FUT8: variants seen among roughly 807,000 people sequenced by gnomAD.
FUT8 encodes the protein alpha-(1,6)-fucosyltransferase.
FUT8 carries 29 observed loss-of-function variants against 71.3 expected under a neutral mutation model. The observed-to-expected ratio is 0.41, with a 90% confidence interval of 0.30 to 0.55. FUT8 has a LOEUF of 0.55. Ranked by LOEUF, FUT8 falls within the 20% of genes least tolerant of loss-of-function variation. The pLI is 0.34. For synonymous variants in FUT8, 254 were observed against 239.3 expected (o/e 1.06, Z -0.57); for missense variants, 544 against 702.1 (o/e 0.77, Z 2.55).
intron 6 of FUT8, among the ~76,000 whole-genome samples, chr14:65,644,705 C>T (rs1891040568): frequency 6.6e-6 from 1 of 152,102 alleles, no homozygotes; most frequent in Admixed American, 6.6e-5. Flanking sequence ...AACCACTATT[C>T]CTAGGGGAAA....
intron 3 of FUT8, among the ~76,000 whole-genome samples, chr14:65,589,316 G>A (rs951617825): frequency 9.2e-5 from 14 of 152,108 alleles, no homozygotes; most frequent in African/African-American, 3.4e-4. Flanking sequence ...AGGATCATGG[G>A]CCTATGTAAA....
intron 2 of FUT8, chr14:65,528,893 C>G (rs750276588): frequency 6.6e-6 from 1 of 152,504 alleles, no homozygotes; most frequent in Non-Finnish European, 1.5e-5. Context: ...TTTATCATCT[C>G]TAGGACCAAG....
the FUT8 span, among the ~76,000 whole-genome samples, chr14:65,387,692 C>A: frequency 6.6e-6 from 1 of 152,204 alleles, no homozygotes; most frequent in Non-Finnish European, 1.5e-5. Context: ...GTGCTGTAGC[C>A]TGGAATCTTT....
chr14:65,411,886 G>A, upstream of FUT8: 1 of 371,182 alleles, frequency 2.7e-6, no homozygotes, highest in South Asian at 2.0e-5. Context: ...GTGCTGGGGC[G>A]GCGCGCTCCG....
At chr14:65,492,183 AT>A (rs1244221474) in intron 2 of FUT8, among the ~76,000 whole-genome samples, 10 of 152,162 alleles carry the variant, frequency 6.6e-5, no homozygotes, top group South Asian at 2.1e-4. Flanking sequence ...GGTAAGTAAT[AT>A]TTTTTTCATA....
chr14:65,571,143 A>G (rs1886451174), intron 3 of FUT8, among the ~76,000 whole-genome samples: 1 of 152,052 alleles, frequency 6.6e-6, no homozygotes, highest in African/African-American at 2.4e-5. Context: ...ACTCCTTTAA[A>G]TTTAATTTGG....
At chr14:65,498,778 C>G (rs886610027) in intron 2 of FUT8, among the ~76,000 whole-genome samples, 1 of 152,054 alleles carries the variant, frequency 6.6e-6, no homozygotes, top group Admixed American at 6.6e-5. Context: ...ACATTTGGGT[C>G]TTACTGAAAT....
the FUT8 span, among the ~76,000 whole-genome samples, chr14:65,382,765 C>T: frequency 6.6e-6 from 1 of 152,200 alleles, no homozygotes; most frequent in Non-Finnish European, 1.5e-5. Context: ...TCTAGAATAG[C>T]TGCTTTTGTC....
chr14:65,470,191 C>CTT (rs2066118545), intron 2 of FUT8, among the ~76,000 whole-genome samples: 1 of 152,272 alleles, frequency 6.6e-6, no homozygotes, highest in Non-Finnish European at 1.5e-5. Context: ...CAACCCCACT[C>CTT]TGAGAACCTG....
At chr14:65,671,314 G>A (rs564194917) in intron 7 of FUT8, among the ~76,000 whole-genome samples, 2 of 152,234 alleles carry the variant, frequency 1.3e-5, no homozygotes, top group East Asian at 1.9e-4. Flanking sequence ...ATCCTTACTT[G>A]TACATTTTGT....
chr14:65,700,163 A>G (rs1325908332), intron 7 of FUT8, among the ~76,000 whole-genome samples: 1 of 152,096 alleles, frequency 6.6e-6, no homozygotes, highest in Non-Finnish European at 1.5e-5. Flanking sequence ...TCACTGATTC[A>G]TTCCATTCAC....
the FUT8 span, among the ~76,000 whole-genome samples, chr14:65,366,906 G>A: frequency 6.6e-6 from 1 of 152,208 alleles, no homozygotes; most frequent in Non-Finnish European, 1.5e-5. Context: ...TAAGAAGGGA[G>A]GGGAGAGGAA....
intron 9 of FUT8, among the ~76,000 whole-genome samples, chr14:65,727,254 G>A (rs1213526627): frequency 6.6e-6 from 1 of 152,152 alleles, no homozygotes; most frequent in Admixed American, 6.5e-5. Context: ...ACTCTGTGTG[G>A]GGGCTCTGAC....
At chr14:65,380,192 A>AC in the FUT8 span, among the ~76,000 whole-genome samples, 1 of 152,200 alleles carries the variant, frequency 6.6e-6, no homozygotes, top group African/African-American at 2.4e-5. Flanking sequence ...GGTGAAAGGC[A>AC]CTTCTTACAT....
intron 3 of FUT8, among the ~76,000 whole-genome samples, chr14:65,569,778 G>GT (rs1443864156): frequency 6.6e-6 from 1 of 151,824 alleles, no homozygotes; most frequent in Non-Finnish European, 1.5e-5. Context: ...AATATATTGT[G>GT]TATAAAGGCA....
chr14:65,421,541 T>C lies in FUT8; in HGVS notation c.-326+8327T>C, dbSNP rs1566736553. Among the ~76,000 whole-genome samples the C allele has an allele frequency of 3.3e-5, 5 of 152,356 alleles. No individual in the cohort carries two copies. In the South Asian group the frequency reaches 1.0e-3, roughly 32 times the overall value. ...CCATATCAGAGAAGGGTCCATGTCATGAAGGAGTCAAAAGCAGTCTTGAAC... is the reference window on the plus strand; with the variant it reads ...CCATATCAGAGAAGGGTCCATGTCACGAAGGAGTCAAAAGCAGTCTTGAAC... On this transcript the variant is annotated intron_variant, in intron 1 of 10. Transcript: ENST00000673929.
At chr14:65,463,821 T>C (rs890356550) in intron 2 of FUT8, among the ~76,000 whole-genome samples, 1 of 152,220 alleles carries the variant, frequency 6.6e-6, no homozygotes, top group Non-Finnish European at 1.5e-5. Flanking sequence ...AAGAAATATT[T>C]TCTAGTTTCA....
At chr14:65,369,491 GAGA>G in the FUT8 span, among the ~76,000 whole-genome samples, 1 of 152,140 alleles carries the variant, frequency 6.6e-6, no homozygotes, top group Non-Finnish European at 1.5e-5. The surrounding 1 kb of genome is among the most constrained non-coding windows in gnomAD (Gnocchi z 4.6). Context: ...GTTCCAGAAG[GAGA>G]AGATCAGGTC....
chr14:65,403,449 G>A, the FUT8 span, among the ~76,000 whole-genome samples: 19 of 152,160 alleles, frequency 1.2e-4, no homozygotes, highest in African/African-American at 4.3e-4. Context: ...TCTCAATCCT[G>A]TTGGCAGTTA....
Sources: allele counts gnomAD v4.1 joint callset (sites outside exome capture counted in the v4.1 genomes callset), GRCh38; gene constraint gnomAD v4.1.1; non-coding constraint Gnocchi (gnomAD v3.1); transcripts MANE v1.5; gene names NCBI Gene and HGNC (gene_info 2026-07-23, HGNC 2026-07-21).